Variants in TENM2 observed in about 807,000 individuals in gnomAD.
TENM2 encodes teneurin-2.
A neutral mutation model predicts 245.2 loss-of-function variants in TENM2; 52 were observed. That is an observed-to-expected ratio of 0.21 (90% CI 0.17 to 0.27). The LOEUF is 0.27. Among genes scored for constraint, TENM2 ranks in the 10% least tolerant of loss-of-function variants. The probability of loss-of-function intolerance (pLI) is 1.00; values close to 1 mark genes in which losing one functional copy is unlikely to be tolerated. For synonymous variants in TENM2, 1,363 were observed against 1,438.9 expected (o/e 0.95, Z 1.19); for missense variants, 3,046 against 3,666.8 (o/e 0.83, Z 4.37).
chr5:167,543,218 TCCTCAAACGGTGGTA>T (rs995166041), intron 2 of TENM2, among the ~76,000 whole-genome samples: 1 of 152,148 alleles, frequency 6.6e-6, no homozygotes, highest in Non-Finnish European at 1.5e-5. Flanking sequence ...AGGCTGAGCT[TCCTCAAACGGTGGTA>T]CCACATTCCA....
intron 2 of TENM2, among the ~76,000 whole-genome samples, chr5:167,619,665 TA>T (rs1437481252): frequency 6.6e-6 from 1 of 152,172 alleles, no homozygotes; most frequent in Non-Finnish European, 1.5e-5. Context: ...TTAGACCTAG[TA>T]AAAGCACTGG....
At chr5:167,652,739 T>G (rs1488285157) in intron 2 of TENM2, among the ~76,000 whole-genome samples, 3 of 152,210 alleles carry the variant, frequency 2.0e-5, no homozygotes, top group Non-Finnish European at 4.4e-5. Flanking sequence ...TACTTCCCTT[T>G]GCATTTCTAC....
rs192124721 is a variant in TENM2 at position 168,254,111 on chromosome 5, G to A, written c.7432+5740G>A. On this transcript the variant is annotated intron_variant, in intron 27 of 28. Coordinates refer to ENST00000518659, the Ensembl canonical transcript of TENM2. ...TCATATTTACACTTAACACCTGAAG[G>A]TGCTGCACTGACAGCGTGTTCAGAG... 2.6e-3 allele frequency among the ~76,000 whole-genome samples: 402 copies of A among 152,364 alleles called. 9 individuals are homozygous for A. The highest frequency in any genetic ancestry group is 0.024 in the Admixed American group (372 of 15,312).
chr5:167,375,222 T>C, exon 2 of TENM2: 1 of 1,551,672 alleles, frequency 6.4e-7, no homozygotes. Flanking sequence ...CTTGCCGAAC[T>C]GGGCATCTGT....
chr5:168,145,741 A>C lies in TENM2; in HGVS notation c.2423-16870A>C, dbSNP rs1225371569. ...GAAAGTCACTGGTAGCTTGATGGGG[A>C]TGGCATTGAATCTGTAAATTACCTT... On this transcript the variant is annotated intron_variant, in intron 12 of 28. Coordinates refer to ENST00000518659, the Ensembl canonical transcript of TENM2. Among the ~76,000 whole-genome samples, 4 of 149,968 alleles carry C rather than the reference A, an allele frequency of 2.7e-5. No individual in the cohort carries two copies. In the South Asian group the frequency reaches 8.4e-4, roughly 32 times the overall value.
chr5:167,044,618 T>A, the TENM2 span, among the ~76,000 whole-genome samples: 3 of 152,064 alleles, frequency 2.0e-5, no homozygotes. Context: ...GACCACTGAG[T>A]GACACCAATA....
At chr5:167,676,407 C>G (rs1756332836) in intron 2 of TENM2, among the ~76,000 whole-genome samples, 1 of 152,042 alleles carries the variant, frequency 6.6e-6, no homozygotes, top group South Asian at 2.1e-4. Context: ...AACATACAGT[C>G]TGGGTGAAAA....
chr5:167,267,911 G>C, the TENM2 span, among the ~76,000 whole-genome samples: 1 of 151,184 alleles, frequency 6.6e-6, no homozygotes, highest in African/African-American at 2.4e-5. Flanking sequence ...CAATAGTAAG[G>C]ACAGGCAACA....
At chr5:167,057,068 C>G in the TENM2 span, among the ~76,000 whole-genome samples, 2 of 152,092 alleles carry the variant, frequency 1.3e-5, no homozygotes, top group African/African-American at 2.4e-5. Context: ...TTTCTATTAT[C>G]ATATCCTCAA....
chr5:167,449,628 T>TG (rs1190070889), intron 2 of TENM2, among the ~76,000 whole-genome samples: 7 of 152,134 alleles, frequency 4.6e-5, no homozygotes, highest in African/African-American at 1.7e-4. Context: ...TAATTTCACA[T>TG]GTATACTGAG....
chr5:168,021,647 C>G (rs1786154435), intron 5 of TENM2, among the ~76,000 whole-genome samples: 1 of 152,172 alleles, frequency 6.6e-6, no homozygotes. Context: ...ACCATGGCTC[C>G]CCCTGTTACA....
the TENM2 span, among the ~76,000 whole-genome samples, chr5:167,159,771 A>G: frequency 1.3e-5 from 2 of 152,192 alleles, no homozygotes; most frequent in Non-Finnish European, 2.9e-5. Context: ...TTGGATAGAC[A>G]AGCACACTTG....
chr5:167,845,239 CCACA>C (rs55784312), intron 2 of TENM2, among the ~76,000 whole-genome samples: 21,233 of 96,670 alleles, frequency 0.22, 2,817 homozygotes, highest in Non-Finnish European at 0.29. Flanking sequence ...CCCTCCCGCG[CCACA>C]CACACACACA....
the TENM2 span, among the ~76,000 whole-genome samples, chr5:166,979,194 C>CTAGCAGCAGCAG: frequency 7.0e-6 from 1 of 142,044 alleles, no homozygotes. Context: ...AGCACCACCA[C>CTAGCAGCAGCAG]CAGCAGCAGC....
intron 3 of TENM2, among the ~76,000 whole-genome samples, chr5:167,881,936 A>G (rs934076584): frequency 2.0e-5 from 3 of 152,134 alleles, no homozygotes; most frequent in African/African-American, 4.8e-5. Context: ...CCACCTCCCA[A>G]TGCATGAAGG....
At chr5:167,514,797 G>A (rs538459402) in intron 2 of TENM2, among the ~76,000 whole-genome samples, 1 of 152,236 alleles carries the variant, frequency 6.6e-6, no homozygotes, top group South Asian at 2.1e-4. Context: ...GATCACCTGA[G>A]GTCAGGAGTT....
chr5:167,436,683 C>T (rs937064075), intron 2 of TENM2, among the ~76,000 whole-genome samples: 2 of 152,124 alleles, frequency 1.3e-5, no homozygotes, highest in African/African-American at 4.8e-5. Flanking sequence ...GTTTCATGGA[C>T]TGGGCCCAGG....
intron 5 of TENM2, 84 bp from the exon 8 acceptor site, chr5:168,047,343 G>A: frequency 6.7e-7 from 1 of 1,495,744 alleles, no homozygotes; most frequent in Non-Finnish European, 9.1e-7. Flanking sequence ...GCAATCGCTT[G>A]GAAAAGGGCA....
chr5:168,248,509 C>T, intron 27 of TENM2, 138 bp downstream of exon 29: 1 of 844,768 alleles, frequency 1.2e-6, no homozygotes, highest in Non-Finnish European at 1.8e-6. Flanking sequence ...CAGTTGGCAG[C>T]ACTACAGAGT....
Sources: gnomAD v4.1 joint callset for allele counts (sites outside exome capture counted in the v4.1 genomes callset) on GRCh38, gnomAD v4.1.1 for gene constraint, MANE v1.5 for transcripts, NCBI Gene and HGNC (gene_info 2026-07-23, HGNC 2026-07-21) for gene names.